SGCZ: variants seen among roughly 807,000 people sequenced by gnomAD.
SGCZ encodes zeta-sarcoglycan.
A neutral mutation model predicts 41.3 loss-of-function variants in SGCZ; 40 were observed. That is an observed-to-expected ratio of 0.97 (90% CI 0.75 to 1.26). The LOEUF (loss-of-function observed/expected upper bound fraction) is 1.26. SGCZ is among the 50% of genes most tolerant of loss of function. SGCZ has a pLI of 0.00. For missense variants in SGCZ, 552 were observed against 369.8 expected (o/e 1.49, Z -4.04); for synonymous variants, 206 against 137.5 (o/e 1.50, Z -3.49).
At chr8:14,829,849 T>C (rs1398181268) in intron 1 of SGCZ, among the ~76,000 whole-genome samples, 1 of 152,198 alleles carries the variant, frequency 6.6e-6, no homozygotes, top group East Asian at 1.9e-4. Context: ...TCTCGCTCTG[T>C]CGCCCAGGCT....
At chr8:15,232,219 A>G (rs1437545726) in intron 1 of SGCZ, among the ~76,000 whole-genome samples, 1 of 152,214 alleles carries the variant, frequency 6.6e-6, no homozygotes, top group Non-Finnish European at 1.5e-5. Flanking sequence ...AGCGCACTAA[A>G]TATTACATAA....
chr8:14,568,771 C>CT (rs1804460351), intron 1 of SGCZ, among the ~76,000 whole-genome samples: 1 of 152,160 alleles, frequency 6.6e-6, no homozygotes, highest in African/African-American at 2.4e-5. Context: ...GGAGCAAGCA[C>CT]TTTGAGAATC....
intron 3 of SGCZ, among the ~76,000 whole-genome samples, chr8:14,272,639 G>C (rs1000696901): frequency 6.6e-6 from 1 of 152,150 alleles, no homozygotes; most frequent in Non-Finnish European, 1.5e-5. Flanking sequence ...ACTTAAACGT[G>C]TCCTGGTGTG....
intron 1 of SGCZ, among the ~76,000 whole-genome samples, chr8:14,708,042 A>G (rs1809387485): frequency 6.6e-6 from 1 of 152,140 alleles, no homozygotes. Context: ...TATTTGTTAT[A>G]TTATCAAAAC....
chr8:15,132,352 T>C (rs1327662028), intron 1 of SGCZ, among the ~76,000 whole-genome samples: 1 of 152,184 alleles, frequency 6.6e-6, no homozygotes, highest in Non-Finnish European at 1.5e-5. Context: ...CACAAGAAGA[T>C]GTTTATCATC....
At chr8:14,659,444 T>G (rs965574027) in intron 1 of SGCZ, among the ~76,000 whole-genome samples, 3 of 152,230 alleles carry the variant, frequency 2.0e-5, no homozygotes, top group African/African-American at 7.2e-5. Context: ...TTCTCAAATT[T>G]TTTACAGGGT....
At chr8:14,438,488 G>A (rs1189272912) in intron 2 of SGCZ, among the ~76,000 whole-genome samples, 2 of 151,952 alleles carry the variant, frequency 1.3e-5, no homozygotes, top group African/African-American at 4.8e-5. Flanking sequence ...TTCAATAACT[G>A]TGGCTCTCTC....
chr8:14,231,875 T>C (rs777380452), intron 4 of SGCZ, among the ~76,000 whole-genome samples: 14 of 152,082 alleles, frequency 9.2e-5, no homozygotes, highest in Non-Finnish European at 2.1e-4. Context: ...TTTACCCCTT[T>C]ATTACCAGGA....
At chr8:14,244,093 G>A (rs1209307981) in intron 3 of SGCZ, among the ~76,000 whole-genome samples, 1 of 152,060 alleles carries the variant, frequency 6.6e-6, no homozygotes, top group Non-Finnish European at 1.5e-5. Flanking sequence ...GTGGATTTGT[G>A]TTCAGATCAC....
chr8:14,733,916 G>A (rs767101278), intron 1 of SGCZ, among the ~76,000 whole-genome samples: 17 of 152,166 alleles, frequency 1.1e-4, no homozygotes, highest in African/African-American at 3.9e-4. Context: ...GTAGATACTT[G>A]TCTGGATACT....
intron 1 of SGCZ, among the ~76,000 whole-genome samples, chr8:15,055,517 T>C (rs572202124): frequency 3.3e-5 from 5 of 152,266 alleles, no homozygotes; most frequent in Admixed American, 2.6e-4. Context: ...AGAATGTGGC[T>C]TGATAAAGAG....
intron 1 of SGCZ, among the ~76,000 whole-genome samples, chr8:14,602,237 T>TA (rs1161760376): frequency 1.3e-5 from 2 of 152,278 alleles, no homozygotes; most frequent in African/African-American, 4.8e-5. Context: ...GCTGGGGTTT[T>TA]AAAAAAATTC....
chr8:14,273,314 CTAATATTTCCTTCCTT>C (rs1385207402), intron 3 of SGCZ, among the ~76,000 whole-genome samples: 1 of 152,072 alleles, frequency 6.6e-6, no homozygotes, highest in Non-Finnish European at 1.5e-5. Context: ...TGAAAATGAC[CTAATATTTCCTTCCTT>C]TATCATCCAG....
intron 1 of SGCZ, among the ~76,000 whole-genome samples, chr8:15,061,530 T>TATAA (rs113966168): frequency 4.2e-5 from 6 of 142,004 alleles, no homozygotes; most frequent in African/African-American, 1.0e-4. Context: ...TTACAGTATA[T>TATAA]AAAAAAAAAA....
chr8:14,474,967 T>C (rs1243558984), intron 2 of SGCZ, among the ~76,000 whole-genome samples: 1 of 152,188 alleles, frequency 6.6e-6, no homozygotes, highest in Non-Finnish European at 1.5e-5. Context: ...ATGTCTGTAC[T>C]GAATGCCAGA....
chr8:14,692,021 A>T (rs1223223756), intron 1 of SGCZ, among the ~76,000 whole-genome samples: 1 of 152,010 alleles, frequency 6.6e-6, no homozygotes, highest in Admixed American at 6.5e-5. Context: ...ATTGATTGAA[A>T]TAATAATTTC....
At chr8:14,688,721 A>G (rs1247732520) in intron 1 of SGCZ, among the ~76,000 whole-genome samples, 4 of 152,094 alleles carry the variant, frequency 2.6e-5, no homozygotes, top group Non-Finnish European at 5.9e-5. Flanking sequence ...GTTTTTTCCA[A>G]TTGTGTGAAG....
At chr8:14,108,626 C>T (rs570319530) in intron 5 of SGCZ, among the ~76,000 whole-genome samples, 1 of 152,038 alleles carries the variant, frequency 6.6e-6, no homozygotes, top group Non-Finnish European at 1.5e-5. Context: ...TTATCTCCCA[C>T]CAGGTCCCTC....
rs914466625 is a variant in SGCZ, at chr8:14,164,691, C to T, written c.436G>A (p.Val146Met). The change falls in exon 5 of 8, where the codon GTG becomes ATG. Residue 146 changes from valine (V) to methionine (M), a missense_variant. Physicochemically the swap from Val to Met is conservative, Grantham distance 21. Coordinates refer to ENST00000382080, the MANE Select transcript of SGCZ (RefSeq NM_139167.4). ...TCAAATCTTTTACACTGAGCTTCCACAGCATCAGCTCCTATGGTCAGAGGA... is the reference window on the plus strand; with the variant it reads ...TCAAATCTTTTACACTGAGCTTCCATAGCATCAGCTCCTATGGTCAGAGGA... ...TGQLTIGADA[V>M]EAQCKRFEVR... is the part of the protein sequence containing the mutation. 17 of 1,613,320 alleles carry T rather than the reference C, an allele frequency of 1.1e-5. No homozygotes were observed. Among genetic ancestry groups the T allele is most frequent in the Non-Finnish European group, 1.4e-5 (17 of 1,179,626 alleles).
Sources: allele counts gnomAD v4.1 joint callset (sites outside exome capture counted in the v4.1 genomes callset), GRCh38; gene constraint gnomAD v4.1.1; transcripts MANE v1.5; gene names NCBI Gene and HGNC (gene_info 2026-07-23, HGNC 2026-07-21).